PRKCB: variants seen among roughly 807,000 people sequenced by gnomAD.
The protein encoded by PRKCB is protein kinase C beta type.
Under a neutral mutation model 81.5 loss-of-function variants are expected in PRKCB, and 13 were observed. That is an observed-to-expected ratio of 0.16 (90% CI 0.10 to 0.25). PRKCB has a LOEUF of 0.25. Among genes scored for constraint, PRKCB ranks in the 10% least tolerant of loss-of-function variants. The pLI, the probability that PRKCB is intolerant of heterozygous loss-of-function variation, is 1.00. For missense variants in PRKCB, 509 were observed against 875.7 expected, an observed-to-expected ratio of 0.58 and a Z score of 5.29; for synonymous variants, 335 against 321.4, an observed-to-expected ratio of 1.04 and a Z score of -0.45.
At chr16:23,960,128 C>T (rs995229798) in intron 2 of PRKCB, among the ~76,000 whole-genome samples, 4 of 152,180 alleles carry the variant, frequency 2.6e-5, no homozygotes, top group African/African-American at 9.7e-5. Flanking sequence ...TCCCCCAGGG[C>T]CCATCCTCAA....
intron 2 of PRKCB, among the ~76,000 whole-genome samples, chr16:23,932,370 T>C (rs1963990574): frequency 6.6e-6 from 1 of 152,220 alleles, no homozygotes; most frequent in Non-Finnish European, 1.5e-5. Context: ...TGCTGAAGAA[T>C]TTATGGGTAA....
chr16:23,917,047 G>T (rs1164113421), intron 2 of PRKCB, among the ~76,000 whole-genome samples: 3 of 151,920 alleles, frequency 2.0e-5, no homozygotes, highest in Non-Finnish European at 2.9e-5. Flanking sequence ...AAGTGTTGGG[G>T]TTACAAGAGT....
intron 3 of PRKCB, among the ~76,000 whole-genome samples, chr16:24,009,581 C>G (rs1228642468): frequency 1.4e-5 from 2 of 144,492 alleles, no homozygotes; most frequent in African/African-American, 5.2e-5. Flanking sequence ...GGAGCCACCA[C>G]GCCCGGCCTA....
chr16:24,142,376 G>T (rs535977818), intron 9 of PRKCB, among the ~76,000 whole-genome samples: 4 of 152,210 alleles, frequency 2.6e-5, no homozygotes, highest in African/African-American at 7.2e-5. Flanking sequence ...GATTAGCTTC[G>T]GTGCACCAAG....
At chr16:23,837,094 G>A (rs1009848424) in intron 1 of PRKCB, 10 of 519,098 alleles carry the variant, frequency 1.9e-5, no homozygotes, top group Non-Finnish European at 3.4e-5. Flanking sequence ...GGGTACATCT[G>A]TCGCCTGCCT....
At chr16:23,862,299 A>C (rs965941306) in intron 2 of PRKCB, among the ~76,000 whole-genome samples, 1 of 152,146 alleles carries the variant, frequency 6.6e-6, no homozygotes, top group Non-Finnish European at 1.5e-5. Context: ...CCATGCATGC[A>C]TGGTTCAAGA....
chr16:23,912,742 AC>A (rs906169456), intron 2 of PRKCB, among the ~76,000 whole-genome samples: 46 of 150,748 alleles, frequency 3.1e-4, no homozygotes, highest in Non-Finnish European at 4.0e-4. Flanking sequence ...CGAACTCCTG[AC>A]CTCAGGTGAT....
intron 2 of PRKCB, among the ~76,000 whole-genome samples, chr16:23,864,704 C>T (rs918467376): frequency 1.8e-4 from 28 of 151,888 alleles, no homozygotes; most frequent in Admixed American, 1.5e-3. Context: ...GTGCTTCTCA[C>T]GACCAGGGCC....
At chr16:23,941,690 T>G (rs536867916) in intron 2 of PRKCB, among the ~76,000 whole-genome samples, 1 of 152,320 alleles carries the variant, frequency 6.6e-6, no homozygotes, top group East Asian at 1.9e-4. Context: ...AAAATTTCAA[T>G]ATTTGTTCTT....
At chr16:24,174,616 C>T (rs763060889) in intron 12 of PRKCB, 36 bp downstream of exon 12, 3 of 1,534,886 alleles carry the variant, frequency 2.0e-6, no homozygotes, top group African/African-American at 2.7e-5. Context: ...ATCTCTTCAT[C>T]TCCCTCAGCT....
At chr16:23,848,172 C>T (rs566182815) in intron 2 of PRKCB, among the ~76,000 whole-genome samples, 1 of 152,102 alleles carries the variant, frequency 6.6e-6, no homozygotes, top group East Asian at 1.9e-4. Flanking sequence ...AGGGGTTGGC[C>T]CCTGTGAAGG....
At chr16:24,118,537 C>T (rs1966761807) in intron 8 of PRKCB, among the ~76,000 whole-genome samples, 1 of 152,122 alleles carries the variant, frequency 6.6e-6, no homozygotes, top group African/African-American at 2.4e-5. Context: ...GGTGGAGTGG[C>T]AGAGGAATCT....
intron 7 of PRKCB, among the ~76,000 whole-genome samples, chr16:24,109,891 G>A (rs1966649720): frequency 1.6e-5 from 2 of 127,974 alleles, no homozygotes; most frequent in South Asian, 2.4e-4. Flanking sequence ...GATCACGTGC[G>A]GTTAGGGGCT....
intron 2 of PRKCB, among the ~76,000 whole-genome samples, chr16:23,875,507 G>C (rs8045214): frequency 6.6e-4 from 12 of 18,310 alleles, no homozygotes; most frequent in South Asian, 1.2e-3. Context: ...ATATATATAT[G>C]ATGTATATCA....
chr16:23,891,017 G>GTATATATATAA (rs1018124557), intron 2 of PRKCB, among the ~76,000 whole-genome samples: 4 of 150,756 alleles, frequency 2.7e-5, no homozygotes, highest in Admixed American at 1.3e-4. Flanking sequence ...GTGTGTGTGT[G>GTATATATATAA]TGTGTATATA....
intron 2 of PRKCB, among the ~76,000 whole-genome samples, chr16:23,855,026 C>T (rs1158856654): frequency 2.6e-5 from 4 of 152,128 alleles, no homozygotes; most frequent in African/African-American, 9.7e-5. Flanking sequence ...ACCACCATGA[C>T]TACTGAATAC....
Position 24,113,058 on chromosome 16 carries a change from C to G in PRKCB, c.907C>G (p.Gln303Glu). Residue 303 changes from glutamine (Q) to glutamate (E), a missense_variant, in exon 8 of 17, where the codon CAG (glutamine) becomes GAG (glutamate). Around this residue, in one of 6 missense-constraint regions of PRKCB, gnomAD observed 80 missense variants for 89.4 expected, o/e 0.90. Coordinates refer to ENST00000643927, the MANE Select transcript of PRKCB (RefSeq NM_002738.7). ...AAGTGAGGCCAATGAAGAACTGCGGCAGAAATTTGAGGTGAGGTTTCTTTT... is the reference window on the plus strand; with the variant it reads ...AAGTGAGGCCAATGAAGAACTGCGGGAGAAATTTGAGGTGAGGTTTCTTTT... The part of the protein sequence containing the change: ...EGSEANEELR[Q>E]KFERAKISQG... 1 of 1,610,904 alleles carries G rather than the reference C, an allele frequency of 6.2e-7. No individual in the cohort carries two copies. The highest frequency in any genetic ancestry group is 8.5e-7 in the Non-Finnish European group (1 of 1,178,534).
Position 24,219,493 on chromosome 16 carries a change from G to A in PRKCB, c.*4677G>A, listed in dbSNP as rs191675978. 222 of 987,606 alleles carry A rather than the reference G, an allele frequency of 2.2e-4. No individual in the cohort carries two copies. In the African/African-American group the frequency reaches 3.5e-3, roughly 15 times the overall value. The allele number at this position is 987,606 out of a possible 1,614,324, so 61.2% of individuals were successfully genotyped here. On this transcript the variant is annotated 3_prime_UTR_variant, in exon 17 of 17. Transcript: ENST00000643927. ...TGCCTTCTTGGGGGCAGAGTAGATG[G>A]GCAGCAGTTCACCTTTTCAGAGAAA...
chr16:23,951,861 G>A (rs552522329), intron 2 of PRKCB, among the ~76,000 whole-genome samples: 2 of 152,150 alleles, frequency 1.3e-5, no homozygotes, highest in Non-Finnish European at 2.9e-5. Flanking sequence ...ATACAGGAAC[G>A]TCACACTTCC....
Sources: allele counts gnomAD v4.1 joint callset (sites outside exome capture counted in the v4.1 genomes callset), GRCh38; gene constraint gnomAD v4.1.1; regional missense constraint gnomAD v4.1.1; transcripts MANE v1.5; gene names NCBI Gene and HGNC (gene_info 2026-07-23, HGNC 2026-07-21).